The following EFR3A variants were observed in gnomAD, a reference collection of about 807,000 sequenced individuals.
The protein encoded by EFR3A is EFR3 homolog A, also known as protein EFR3 homolog A.
Under a neutral mutation model 104.4 loss-of-function variants are expected in EFR3A, and 76 were observed. The observed-to-expected ratio is 0.73, with a 90% CI of 0.60 to 0.88. The LOEUF is 0.88. Ranked by LOEUF, EFR3A falls within the 40% of genes least tolerant of loss-of-function variation. The pLI, the probability that EFR3A is intolerant of heterozygous loss-of-function variation, is 0.00. For synonymous variants in EFR3A, 330 were observed against 330.0 expected (o/e 1.00, Z 0.00); for missense variants, 985 against 1,012.5 (o/e 0.97, Z 0.37).
chr8:131,959,812 C>T (rs910116441), intron 8 of EFR3A, 149 bp downstream of exon 8: 5 of 516,780 alleles, frequency 9.7e-6, no homozygotes, highest in African/African-American at 7.9e-5. Flanking sequence ...TCATTTGCTA[C>T]TTATTTTCTT....
chr8:131,922,652 T>C (rs1055026874), intron 1 of EFR3A, among the ~76,000 whole-genome samples: 3 of 152,170 alleles, frequency 2.0e-5, no homozygotes, highest in Admixed American at 2.0e-4. Flanking sequence ...CCAGTTATTC[T>C]GACTAGTAAA....
At chr8:131,949,054 T>A (rs1311198363) in intron 4 of EFR3A, among the ~76,000 whole-genome samples, 1 of 152,098 alleles carries the variant, frequency 6.6e-6, no homozygotes, top group African/African-American at 2.4e-5. Flanking sequence ...TATAGAAAAG[T>A]GTGGAGCATA....
chr8:131,998,767 G>A (rs559563693), intron 19 of EFR3A, among the ~76,000 whole-genome samples: 4 of 152,142 alleles, frequency 2.6e-5, no homozygotes, highest in African/African-American at 7.2e-5. Context: ...GCAAGAGGGA[G>A]ATTTGAGAGA....
chr8:131,985,121 A>G, intron 16 of EFR3A, 61 bp downstream of exon 16: 2 of 1,492,294 alleles, frequency 1.3e-6, no homozygotes, highest in Non-Finnish European at 1.8e-6. Context: ...ATTTTATTCC[A>G]GTGATGATTA....
chr8:131,909,048 T>C (rs942183896), intron 1 of EFR3A, among the ~76,000 whole-genome samples: 1 of 152,216 alleles, frequency 6.6e-6, no homozygotes, highest in Admixed American at 6.5e-5. Flanking sequence ...TTATTAACTA[T>C]AGTCATCCTA....
At chr8:131,917,357 A>G (rs1004204810) in intron 1 of EFR3A, among the ~76,000 whole-genome samples, 1 of 152,164 alleles carries the variant, frequency 6.6e-6, no homozygotes, top group Non-Finnish European at 1.5e-5. Flanking sequence ...TTGGTATGAC[A>G]CAGTAAACAG....
intron 22 of EFR3A, among the ~76,000 whole-genome samples, chr8:132,006,252 A>G (rs543307085): frequency 1.3e-5 from 2 of 152,296 alleles, no homozygotes; most frequent in South Asian, 4.1e-4. Context: ...TAGGCAAACA[A>G]TAGAAAATAT....
chr8:131,940,441 C>T, intron 1 of EFR3A, 58 bp from the exon 2 acceptor site: 2 of 1,476,822 alleles, frequency 1.4e-6, no homozygotes, highest in Non-Finnish European at 1.8e-6. Flanking sequence ...CTTGAATTTC[C>T]AGGCCTGTTT....
At chr8:131,957,127 T>C (rs1267287174) in intron 7 of EFR3A, among the ~76,000 whole-genome samples, 1 of 152,152 alleles carries the variant, frequency 6.6e-6, no homozygotes, top group Non-Finnish European at 1.5e-5. Context: ...CTTAAGTAAA[T>C]ATGTGATTAC....
intron 8 of EFR3A, among the ~76,000 whole-genome samples, chr8:131,964,066 G>A (rs1379839409): frequency 6.6e-6 from 1 of 152,148 alleles, no homozygotes; most frequent in African/African-American, 2.4e-5. Flanking sequence ...TTGATGGGAC[G>A]TATCTCAAGA....
chr8:131,930,669 A>G (rs1817551390), intron 1 of EFR3A, among the ~76,000 whole-genome samples: 1 of 152,060 alleles, frequency 6.6e-6, no homozygotes, highest in Non-Finnish European at 1.5e-5. Context: ...CTACTCCCTA[A>G]TGAGGTCTGG....
At position 131,970,584 on chromosome 8, in the gene EFR3A, A is replaced by T. The variant is rs766332569; in HGVS notation, c.1100A>T (p.Asn367Ile). Residue 367 changes from asparagine to isoleucine, a missense_variant, in exon 10 of 23, where the codon AAT becomes ATT. Asn to Ile is a moderately radical substitution (Grantham distance 149, BLOSUM62 -3). Transcript: ENST00000254624. ...GGATCTGTAGGCAGTGTCAACTTAA[A>T]TACAAGTTCCAAAGACAATGATGAG... is the stretch of plus-strand genomic sequence containing the variant. ...QGGSVGSVNL[N>I]TSSKDNDEKI... The T allele has an allele frequency of 5.6e-6, 9 of 1,613,908 alleles. 1 individual carries two copies. The South Asian group carries it at 9.9e-5, about 18-fold the overall frequency.
At chr8:131,913,089 TG>T (rs761540765) in intron 1 of EFR3A, among the ~76,000 whole-genome samples, 1 of 151,028 alleles carries the variant, frequency 6.6e-6, no homozygotes, top group East Asian at 1.9e-4. Context: ...AGTCATGATG[TG>T]GGGGTTCAGT....
chr8:131,949,865 C>T (rs1288951882), intron 4 of EFR3A, 104 bp from the exon 5 acceptor site: 2 of 1,068,554 alleles, frequency 1.9e-6, no homozygotes, highest in South Asian at 3.1e-5. Context: ...TTGTTTGTTA[C>T]TTATTTTTAT....
At chr8:132,003,943 A>G (rs562394068) in intron 22 of EFR3A, among the ~76,000 whole-genome samples, 3 of 152,296 alleles carry the variant, frequency 2.0e-5, no homozygotes, top group Admixed American at 6.5e-5. Context: ...AGAGATGTCT[A>G]TGCTTCTGGA....
intron 1 of EFR3A, among the ~76,000 whole-genome samples, chr8:131,916,432 T>C (rs892881421): frequency 4.6e-5 from 7 of 152,202 alleles, no homozygotes. Flanking sequence ...TCTGGTTTGC[T>C]ATAGGGACTT....
chr8:131,962,826 A>T (rs1819454418), intron 8 of EFR3A, among the ~76,000 whole-genome samples: 1 of 152,138 alleles, frequency 6.6e-6, no homozygotes, highest in African/African-American at 2.4e-5. Context: ...GAAGTAAAGC[A>T]CTCCTCAGCA....
intron 10 of EFR3A, among the ~76,000 whole-genome samples, chr8:131,973,365 G>T (rs1302041761): frequency 6.6e-6 from 1 of 151,920 alleles, no homozygotes; most frequent in Non-Finnish European, 1.5e-5. Flanking sequence ...TCACAGAATT[G>T]ATTTACATTG....
chr8:131,951,942 A>G (rs764184524), intron 5 of EFR3A, among the ~76,000 whole-genome samples: 1 of 152,182 alleles, frequency 6.6e-6, no homozygotes, highest in Non-Finnish European at 1.5e-5. Context: ...ACTTAGAGAA[A>G]TCATCAGTCC....
Sources: gnomAD v4.1 joint callset for allele counts (sites outside exome capture counted in the v4.1 genomes callset) on GRCh38, gnomAD v4.1.1 for gene constraint, MANE v1.5 for transcripts, NCBI Gene and HGNC (gene_info 2026-07-23, HGNC 2026-07-21) for gene names.